CIMAP1A: variants seen among roughly 807,000 people sequenced by gnomAD.
CIMAP1A encodes the protein ciliary microtubule associated protein 1A, also known as cancer/testis antigen 135.
the CIMAP1A span, chr11:199,355 C>T: frequency 1.3e-6 from 2 of 1,563,042 alleles, no homozygotes; most frequent in Non-Finnish European, 1.7e-6. Context: ...GTCTGAGCCT[C>T]CTTTACCTCT....
chr11:197,457 G>A, the CIMAP1A span: 1 of 1,590,746 alleles, frequency 6.3e-7, no homozygotes, highest in Non-Finnish European at 8.6e-7. Flanking sequence ...GAGCCAGGCG[G>A]GCAGGTGGGG....
the CIMAP1A span, chr11:197,847 G>A: frequency 1.3e-6 from 2 of 1,522,984 alleles, no homozygotes; most frequent in Admixed American, 2.0e-5. Flanking sequence ...ATGTCAGCAA[G>A]GGTGTGGGAG....
chr11:199,208 G>A, the CIMAP1A span: 3 of 1,447,038 alleles, frequency 2.1e-6, no homozygotes, highest in African/African-American at 1.4e-5. Context: ...AAGCAGTGGG[G>A]TGTGATCTCC....
the CIMAP1A span, chr11:198,967 G>A: frequency 9.3e-6 from 11 of 1,187,580 alleles, no homozygotes; most frequent in South Asian, 1.2e-4. Context: ...AAGCCCCTGG[G>A]TGGCACATGC....
At chr11:197,656 C>T in the CIMAP1A span, 20 of 1,613,676 alleles carry the variant, frequency 1.2e-5, no homozygotes, top group Middle Eastern at 4.9e-4. Flanking sequence ...CCCAGGGCCC[C>T]GTTACAATGT....
the CIMAP1A span, chr11:198,712 C>A: frequency 6.7e-7 from 1 of 1,485,578 alleles, no homozygotes; most frequent in Admixed American, 2.5e-5. Flanking sequence ...CCTTCACCCT[C>A]TGGGCACCTG....
chr11:199,032 C>G, the CIMAP1A span: 2 of 1,222,378 alleles, frequency 1.6e-6, no homozygotes, highest in Non-Finnish European at 2.1e-6. Context: ...CCCAACAGCC[C>G]TCGTCCATGT....
the CIMAP1A span, chr11:197,999 C>T: frequency 3.9e-6 from 6 of 1,536,272 alleles, no homozygotes; most frequent in Non-Finnish European, 5.2e-6. Context: ...CCCCACTCTC[C>T]CTGCTCAAAA....
the CIMAP1A span, chr11:199,596 T>C: frequency 9.1e-7 from 1 of 1,099,534 alleles, no homozygotes; most frequent in Non-Finnish European, 1.1e-6. Context: ...GGAGGGGGGC[T>C]GGGACACAGA....
chr11:198,479 T>C, the CIMAP1A span: 2 of 1,613,290 alleles, frequency 1.2e-6, no homozygotes, highest in East Asian at 2.2e-5. Flanking sequence ...GCTGCGTACA[T>C]GCTGCCCATG....
chr11:197,544 G>A, the CIMAP1A span: 17 of 1,611,908 alleles, frequency 1.1e-5, no homozygotes, highest in Admixed American at 8.3e-5. Context: ...GCTGCTCAGG[G>A]CCCATTGCGT....
At chr11:199,759 T>C in the CIMAP1A span, 3 of 1,437,906 alleles carry the variant, frequency 2.1e-6, no homozygotes, top group Non-Finnish European at 2.7e-6. Context: ...GCAGAGACCC[T>C]GCCCTTTTCC....
At chr11:199,664 G>T in the CIMAP1A span, 1 of 1,419,830 alleles carries the variant, frequency 7.0e-7, no homozygotes, top group Non-Finnish European at 9.2e-7. Context: ...TGGAGGGGTG[G>T]GGTGGGGATG....
At chr11:200,130 C>A in the CIMAP1A span, 1 of 1,314,630 alleles carries the variant, frequency 7.6e-7, no homozygotes, top group Non-Finnish European at 1.1e-6. Context: ...CTGGGCCAGC[C>A]TGGCCCTGCA....
the CIMAP1A span, chr11:198,003 C>T: frequency 6.5e-7 from 1 of 1,536,684 alleles, no homozygotes. Context: ...ACTCTCCCTG[C>T]TCAAAAATAG....
chr11:199,750 C>CA, the CIMAP1A span: 1 of 1,436,392 alleles, frequency 7.0e-7, no homozygotes, highest in South Asian at 1.5e-5. Flanking sequence ...GACATGGAAG[C>CA]AGAGACCCTG....
chr11:199,838 C>A, the CIMAP1A span: 2 of 1,503,008 alleles, frequency 1.3e-6, no homozygotes, highest in African/African-American at 2.8e-5. Flanking sequence ...CTTCTGGCCA[C>A]CTTGGCCCCA....
At chr11:199,540 G>C in the CIMAP1A span, 1 of 1,544,576 alleles carries the variant, frequency 6.5e-7, no homozygotes, top group Non-Finnish European at 8.7e-7. Context: ...AGAGGGGTCA[G>C]GGTGGGGCAG....
At chr11:199,456 C>A in the CIMAP1A span, 10 of 1,563,996 alleles carry the variant, frequency 6.4e-6, no homozygotes, top group Non-Finnish European at 8.7e-6. Flanking sequence ...CCGTGTGGAG[C>A]CCCCAGGGGA....
Sources: gnomAD v4.1 joint callset for allele counts on GRCh38, gnomAD v4.1.1 for gene constraint, MANE v1.5 for transcripts, NCBI Gene and HGNC (gene_info 2026-07-23, HGNC 2026-07-21) for gene names.